SBF2: variants seen among roughly 807,000 people sequenced by gnomAD.
The protein encoded by SBF2 is SET binding factor 2.
SBF2 carries 112 observed loss-of-function variants against 225.2 expected under a neutral mutation model. That is an observed-to-expected ratio of 0.50 (90% confidence interval 0.43 to 0.58). SBF2 has a LOEUF of 0.58. Ranked by LOEUF, SBF2 falls within the 20% of genes least tolerant of loss-of-function variation. The pLI is 0.00. For synonymous variants in SBF2, 763 were observed against 773.3 expected (o/e 0.99, Z 0.22); for missense variants, 1,996 against 2,206.2 (o/e 0.90, Z 1.91).
At chr11:9,959,604 G>A in intron 16 of SBF2, 2 of 764,644 alleles carry the variant, frequency 2.6e-6, no homozygotes, top group African/African-American at 1.7e-5. Flanking sequence ...AACCTTCAAA[G>A]TACTAGAGCC....
At chr11:10,135,577 C>T (rs1413116445) in intron 2 of SBF2, among the ~76,000 whole-genome samples, 1 of 152,186 alleles carries the variant, frequency 6.6e-6, no homozygotes, top group Non-Finnish European at 1.5e-5. Flanking sequence ...TCTTCTCCCA[C>T]ACCCTAAATC....
intron 2 of SBF2, among the ~76,000 whole-genome samples, chr11:10,171,705 T>A (rs2135247755): frequency 6.6e-6 from 1 of 152,238 alleles, no homozygotes; most frequent in East Asian, 1.9e-4. Context: ...ATAGTTTGAG[T>A]CGAAATTGCA....
rs7951196 is a variant in SBF2 at position 9,792,299 on chromosome 11, C to T, written c.4571-1616G>A. ...TACAAAAATCAGCTGGGTGTGGTGG[C>T]GGGCACCTGTAATCCCAGCTACTCG... On this transcript the variant is annotated intron_variant, in intron 33 of 39. Transcript: ENST00000256190. Among the ~76,000 whole-genome samples, 1,438 of 151,898 alleles carry T rather than the reference C, an allele frequency of 9.5e-3. 33 individuals are homozygous for T. The highest frequency in any genetic ancestry group is 0.034 in the African/African-American group (1,388 of 41,410).
intron 6 of SBF2, among the ~76,000 whole-genome samples, chr11:10,013,261 C>T (rs944555679): frequency 6.6e-6 from 1 of 152,120 alleles, no homozygotes; most frequent in African/African-American, 2.4e-5. Flanking sequence ...ATACTTTTAC[C>T]GATAATGATG....
intron 1 of SBF2, among the ~76,000 whole-genome samples, chr11:10,219,608 C>T (rs918867485): frequency 1.3e-5 from 2 of 152,202 alleles, no homozygotes; most frequent in African/African-American, 4.8e-5. Context: ...CATTGTCAGG[C>T]TGCAAAATTT....
At chr11:10,003,460 C>T (rs898364910) in intron 6 of SBF2, among the ~76,000 whole-genome samples, 11 of 151,814 alleles carry the variant, frequency 7.2e-5, no homozygotes, top group South Asian at 2.1e-4. Context: ...CTCTGCCTCC[C>T]GGGTTCATGA....
intron 19 of SBF2, among the ~76,000 whole-genome samples, chr11:9,855,071 G>A (rs1857218564): frequency 6.6e-6 from 1 of 152,172 alleles, no homozygotes; most frequent in African/African-American, 2.4e-5. Context: ...GAATGGGAAA[G>A]CATCATTTCG....
chr11:10,208,734 A>G (rs1263530233), intron 1 of SBF2, among the ~76,000 whole-genome samples: 2 of 152,152 alleles, frequency 1.3e-5, no homozygotes, highest in Non-Finnish European at 2.9e-5. Flanking sequence ...ACACTGCCAC[A>G]TTAAAATTTC....
chr11:10,116,503 T>A (rs1481644224), intron 2 of SBF2, among the ~76,000 whole-genome samples: 1 of 152,234 alleles, frequency 6.6e-6, no homozygotes, highest in African/African-American at 2.4e-5. Context: ...ATAATTGATA[T>A]ATTATTTTTC....
chr11:10,037,558 A>T (rs1369502049), intron 3 of SBF2, among the ~76,000 whole-genome samples: 1 of 152,042 alleles, frequency 6.6e-6, no homozygotes, highest in Non-Finnish European at 1.5e-5. Flanking sequence ...CATAATATTG[A>T]CAAAACAGGA....
At chr11:10,203,055 G>A (rs1263422295) in intron 1 of SBF2, among the ~76,000 whole-genome samples, 2 of 151,406 alleles carry the variant, frequency 1.3e-5, no homozygotes, top group South Asian at 2.1e-4. Context: ...GGGGTGGGGG[G>A]GTGAGAGGGG....
intron 16 of SBF2, among the ~76,000 whole-genome samples, chr11:9,934,120 G>A (rs952976324): frequency 5.3e-5 from 8 of 151,608 alleles, no homozygotes; most frequent in African/African-American, 1.9e-4. Context: ...AAATGATAAA[G>A]GGGATATCAC....
chr11:9,968,402 C>T lies in SBF2; in HGVS notation c.1539G>A (p.Gln513=), dbSNP rs1173973969. The T allele has an allele frequency of 1.2e-6, 2 of 1,614,154 alleles. No individual in the cohort carries two copies. Among genetic ancestry groups the T allele is most frequent in the African/African-American group, 2.7e-5 (2 of 75,008 alleles). The change falls in exon 14 of 40, where the codon CAG becomes CAA. Residue 513 remains glutamine (Q), a synonymous_variant. Transcript: ENST00000256190. ...ELIQENVAKN[Q]NAPPATRIEK... The stretch of plus-strand genomic sequence containing the variant: ...CTATTCGTGTGGCAGGAGGTGCATT[C>T]TGGTTCTTAGCAACATTTTCCTGTA...
At chr11:10,011,849 G>A (rs1948472769) in intron 6 of SBF2, among the ~76,000 whole-genome samples, 1 of 151,922 alleles carries the variant, frequency 6.6e-6, no homozygotes, top group Admixed American at 6.6e-5. Flanking sequence ...TGTTAACTTG[G>A]GCTTCATTGT....
intron 3 of SBF2, among the ~76,000 whole-genome samples, chr11:10,038,551 T>C (rs908223716): frequency 2.0e-5 from 3 of 151,998 alleles, no homozygotes; most frequent in African/African-American, 7.2e-5. Flanking sequence ...GCAATTATTA[T>C]CTGTTTCACT....
intron 2 of SBF2, among the ~76,000 whole-genome samples, chr11:10,132,952 C>G (rs1422693237): frequency 6.7e-6 from 1 of 149,198 alleles, no homozygotes; most frequent in Non-Finnish European, 1.5e-5. Flanking sequence ...AAGCTAGGTA[C>G]AGAGTGTCGA....
At chr11:10,156,179 G>A (rs77720692) in intron 2 of SBF2, among the ~76,000 whole-genome samples, 10,367 of 152,294 alleles carry the variant, frequency 0.068, 535 homozygotes, top group East Asian at 0.28. Flanking sequence ...GAGAAAAGCT[G>A]TGGCTGAGCC....
chr11:9,950,229 A>G (rs1258549679), intron 16 of SBF2, among the ~76,000 whole-genome samples: 1 of 152,134 alleles, frequency 6.6e-6, no homozygotes, highest in Non-Finnish European at 1.5e-5. Context: ...CTCCCTGACA[A>G]TGTAGAAATC....
At chr11:9,975,178 A>G (rs1296190180) in intron 13 of SBF2, among the ~76,000 whole-genome samples, 2 of 152,082 alleles carry the variant, frequency 1.3e-5, no homozygotes, top group East Asian at 3.9e-4. Flanking sequence ...CATACAAGAG[A>G]AATGAAAACT....
Sources: gnomAD v4.1 joint callset for allele counts (sites outside exome capture counted in the v4.1 genomes callset) on GRCh38, gnomAD v4.1.1 for gene constraint, MANE v1.5 for transcripts, NCBI Gene and HGNC (gene_info 2026-07-23, HGNC 2026-07-21) for gene names.